The following NCOA3 variants were observed in gnomAD, a reference collection of about 807,000 sequenced individuals.
NCOA3 encodes the protein CBP-interacting protein.
Under a neutral mutation model 158.8 loss-of-function variants are expected in NCOA3, and 51 were observed. The observed-to-expected ratio is 0.32, with a 90% CI of 0.26 to 0.41. NCOA3 has a LOEUF of 0.41. Ranked by LOEUF, NCOA3 falls within the 10% of genes least tolerant of loss-of-function variation. The pLI is 1.00. For synonymous variants in NCOA3, 537 were observed against 592.4 expected (o/e 0.91, Z 1.36); for missense variants, 1,510 against 1,746.6 (o/e 0.86, Z 2.41).
At chr20:47,502,576 T>C (rs1792918810) in intron 1 of NCOA3, among the ~76,000 whole-genome samples, 1 of 152,008 alleles carries the variant, frequency 6.6e-6, no homozygotes, top group South Asian at 2.1e-4. Context: ...AATTTTCATG[T>C]TGGGCTCGGG....
At chr20:47,629,001 G>C (rs567784330) in intron 8 of NCOA3, among the ~76,000 whole-genome samples, 3 of 152,164 alleles carry the variant, frequency 2.0e-5, no homozygotes, top group Non-Finnish European at 4.4e-5. Flanking sequence ...ATTTATAGCT[G>C]AGTCTGCCTG....
intron 1 of NCOA3, among the ~76,000 whole-genome samples, chr20:47,546,083 C>G (rs1401114913): frequency 6.6e-6 from 1 of 152,114 alleles, no homozygotes. Flanking sequence ...GTCCTCTGAA[C>G]CTTTTCATTT....
At chr20:47,634,334 T>A (rs2086474503) in intron 10 of NCOA3, 139 bp downstream of exon 10, 1 of 781,098 alleles carries the variant, frequency 1.3e-6, no homozygotes. Flanking sequence ...GAGTTTAGAT[T>A]CCTGGATTAT....
At chr20:47,536,970 AT>A (rs879605062) in intron 1 of NCOA3, among the ~76,000 whole-genome samples, 124 of 143,844 alleles carry the variant, frequency 8.6e-4, no homozygotes, top group Non-Finnish European at 7.2e-4. Flanking sequence ...TGCCCGGCTA[AT>A]TTTTTTTTTT....
intron 2 of NCOA3, among the ~76,000 whole-genome samples, chr20:47,594,714 A>ATGATATTG (rs970887617): frequency 1.4e-5 from 2 of 145,202 alleles, no homozygotes; most frequent in Non-Finnish European, 3.0e-5. Flanking sequence ...GAAAGTCTTC[A>ATGATATTG]TGATATTGCT....
Position 47,639,082 on chromosome 20 carries a change from T to A in NCOA3, c.2587T>A (p.Ser863Thr), listed in dbSNP as rs1303257257. The stretch of plus-strand genomic sequence containing the variant: ...AGCAGTGTCTCTGGATAGCCCTGTT[T>A]CTGTTGGCTCAAGTCCTCCAGTAAA... ...NRAVSLDSPV[S>T]VGSSPPVKNI... The change falls in exon 14 of 23, where the codon TCT becomes ACT. Residue 863 changes from serine (S) to threonine (T), a missense_variant. Physicochemically the swap from Ser to Thr is moderately conservative, Grantham distance 58 (BLOSUM62 1). This residue lies in a region of NCOA3 where 1,017 missense variants were observed against 1,098.3 expected (regional missense o/e 0.93). Coordinates refer to ENST00000371998, the MANE Select transcript of NCOA3 (RefSeq NM_181659.3). The A allele has an allele frequency of 6.2e-7, 1 of 1,614,240 alleles. No homozygotes were observed.
chr20:47,618,358 T>TG (rs1602493787), intron 2 of NCOA3, among the ~76,000 whole-genome samples: 1 of 139,776 alleles, frequency 7.2e-6, no homozygotes, highest in East Asian at 2.0e-4. Context: ...GTTTTTTTTT[T>TG]TTTTTTTTTT....
At chr20:47,596,678 C>T (rs1602459054) in intron 2 of NCOA3, among the ~76,000 whole-genome samples, 1 of 152,112 alleles carries the variant, frequency 6.6e-6, no homozygotes, top group Admixed American at 6.6e-5. Context: ...CTCTGCCGCC[C>T]AGTCTCAAGC....
At chr20:47,640,533 A>G (rs1406224791) in intron 16 of NCOA3, among the ~76,000 whole-genome samples, 1 of 152,182 alleles carries the variant, frequency 6.6e-6, no homozygotes. Context: ...TATTTTAAAC[A>G]TTTCAGTGAT....
At chr20:47,585,245 T>C (rs2085518847) in intron 2 of NCOA3, among the ~76,000 whole-genome samples, 1 of 151,988 alleles carries the variant, frequency 6.6e-6, no homozygotes, top group Non-Finnish European at 1.5e-5. Context: ...AGAGATGGGA[T>C]TTCACCATGT....
intron 18 of NCOA3, among the ~76,000 whole-genome samples, 170 bp from the exon 19 acceptor site, chr20:47,648,835 T>C (rs2086733208): frequency 6.6e-6 from 1 of 152,240 alleles, no homozygotes. Flanking sequence ...CAAAGACTTT[T>C]CAACATTGAC....
At chr20:47,503,422 A>G (rs963381562) in intron 1 of NCOA3, among the ~76,000 whole-genome samples, 2 of 152,230 alleles carry the variant, frequency 1.3e-5, no homozygotes, top group Non-Finnish European at 2.9e-5. Flanking sequence ...GTACAAACAC[A>G]TTGAAAAGTG....
rs1443174353 is a variant in NCOA3 at position 47,622,341 on chromosome 20, T to C, written c.83+11T>C. 1.9e-6 allele frequency: 3 copies of C among 1,548,838 alleles called. No individual in the cohort carries two copies. Among genetic ancestry groups the C allele is most frequent in the Middle Eastern group, 1.7e-4 (1 of 5,950 alleles). ...TACTCCAGGACAAGGGTAGGTGACTTATTTCCTGGTGCTTTACCACACTTG... is the reference window on the plus strand; with the variant it reads ...TACTCCAGGACAAGGGTAGGTGACTCATTTCCTGGTGCTTTACCACACTTG... On this transcript the variant is annotated intron_variant, in intron 3 of 22. Coordinates refer to ENST00000371998, the MANE Select transcript of NCOA3 (RefSeq NM_181659.3).
Position 47,642,278 on chromosome 20 carries a change from A to G in NCOA3, c.3146A>G (p.Asp1049Gly), listed in dbSNP as rs2086623765. The G allele has an allele frequency of 6.2e-7, 1 of 1,613,224 alleles. No individual in the cohort carries two copies. Among genetic ancestry groups the G allele is most frequent in the Non-Finnish European group, 8.5e-7 (1 of 1,179,764 alleles). Residue 1049 changes from aspartate to glycine, a missense_variant, in exon 17 of 23, where the codon GAC (aspartate) becomes GGC (glycine). Around this residue, in one of 4 missense-constraint regions of NCOA3, gnomAD observed 1,017 missense variants for 1,098.3 expected, o/e 0.93. Transcript: ENST00000371998. ...GPPSNLEGQSDERALLDQLHT... is the reference protein window; with the variant it reads ...GPPSNLEGQSGERALLDQLHT... ...CCTTCCAACCTGGAAGGCCAGAGTGACGAAAGAGCATTATTGGACCAGCTG... is the reference window on the plus strand; with the variant it reads ...CCTTCCAACCTGGAAGGCCAGAGTGGCGAAAGAGCATTATTGGACCAGCTG...
At chr20:47,625,359 A>T in intron 4 of NCOA3, 22 bp from the exon 5 acceptor site, 1 of 1,523,100 alleles carries the variant, frequency 6.6e-7, no homozygotes, top group South Asian at 1.1e-5. Flanking sequence ...GTTATTCGTT[A>T]TACCACCTTC....
chr20:47,655,787 A>T lies in NCOA3; in HGVS notation c.*2370A>T, dbSNP rs938363778. On this transcript the variant is annotated 3_prime_UTR_variant, in exon 23 of 23. Transcript: ENST00000371998. ...ATTATTAAAAACAAAAAAAAAATAA[A>T]TTTTTTTGCAATCCTTTCCTCAGAC... 2 of 152,390 alleles carry T rather than the reference A, an allele frequency of 1.3e-5. No individual in the cohort carries two copies. Among genetic ancestry groups the T allele is most frequent in the African/African-American group, 4.8e-5 (2 of 41,370 alleles). 9.4% of individuals were successfully genotyped at this position (152,390 alleles called of 1,614,324 possible). A position where few individuals can be genotyped will look rare whatever the true frequency, so the allele number is the denominator to read the frequency against.
intron 1 of NCOA3, among the ~76,000 whole-genome samples, chr20:47,510,015 T>A (rs1223919344): frequency 6.6e-6 from 1 of 152,186 alleles, no homozygotes; most frequent in Non-Finnish European, 1.5e-5. Flanking sequence ...ACTCTACACA[T>A]CTTGCATCAT....
At chr20:47,541,821 A>G (rs1204716552) in intron 1 of NCOA3, among the ~76,000 whole-genome samples, 1 of 151,870 alleles carries the variant, frequency 6.6e-6, no homozygotes, top group African/African-American at 2.4e-5. Flanking sequence ...TTAATTTCTT[A>G]GTAGCATCAA....
chr20:47,614,357 G>T (rs1216937392), intron 2 of NCOA3, among the ~76,000 whole-genome samples: 2 of 152,204 alleles, frequency 1.3e-5, no homozygotes, highest in Non-Finnish European at 2.9e-5. Flanking sequence ...TTTTATGTAT[G>T]ACTGTCTCAT....
Sources: gnomAD v4.1 joint callset for allele counts (sites outside exome capture counted in the v4.1 genomes callset) on GRCh38, gnomAD v4.1.1 for gene constraint, gnomAD v4.1.1 regional missense constraint, MANE v1.5 for transcripts, NCBI Gene and HGNC (gene_info 2026-07-23, HGNC 2026-07-21) for gene names.